The following ATG7 variants were observed in gnomAD, a reference collection of about 807,000 sequenced individuals.
The protein encoded by ATG7 is ubiquitin-like modifier-activating enzyme ATG7.
ATG7 carries 70 observed loss-of-function variants against 82.4 expected under a neutral mutation model. The ratio of observed to expected loss-of-function variants is 0.85; its 90% CI spans 0.70 to 1.04. The LOEUF (loss-of-function observed/expected upper bound fraction) is 1.04, where lower values mean the gene tolerates loss of function less well. Ranked by LOEUF, ATG7 falls within the 50% of genes least tolerant of loss-of-function variation. The pLI is 0.00. For synonymous variants in ATG7, 287 were observed against 313.0 expected, an observed-to-expected ratio of 0.92 and a Z score of 0.88; for missense variants, 792 against 864.3, an observed-to-expected ratio of 0.92 and a Z score of 1.05.
intron 19 of ATG7, among the ~76,000 whole-genome samples, chr3:11,390,197 T>C (rs2078681108): frequency 6.6e-6 from 1 of 152,230 alleles, no homozygotes; most frequent in Admixed American, 6.5e-5. Flanking sequence ...AATAGGCCTA[T>C]GTACAATATT....
intron 20 of ATG7, among the ~76,000 whole-genome samples, chr3:11,438,590 A>T (rs1576414107): frequency 6.6e-6 from 1 of 151,624 alleles, no homozygotes; most frequent in Admixed American, 6.6e-5. Context: ...AAAAATAAAG[A>T]TTTTTTTTCT....
Position 11,554,926 on chromosome 3 carries a change from G to A in ATG7, c.*83G>A. ...GCCAGAGCAGGACTGCTGACCCCAG[G>A]CCTGGTGATTCTGGGCCCCTCCTCC... On this transcript the variant is annotated 3_prime_UTR_variant, in exon 21 of 21. Coordinates refer to ENST00000693202, the MANE Select transcript of ATG7 (RefSeq NM_001349232.2). 6.5e-7 allele frequency: 1 copy of A among 1,527,020 alleles called. No individual in the cohort carries two copies. Among genetic ancestry groups the A allele is most frequent in the Admixed American group, 1.9e-5 (1 of 53,254 alleles). The allele number at this position is 1,527,020 out of a possible 1,614,324, so 94.6% of individuals were successfully genotyped here. A position where few individuals can be genotyped will look rare whatever the true frequency, so the allele number is the denominator to read the frequency against.
chr3:11,438,970 G>T (rs1328919343), intron 20 of ATG7, among the ~76,000 whole-genome samples: 3 of 151,914 alleles, frequency 2.0e-5, no homozygotes, highest in African/African-American at 2.4e-5. Flanking sequence ...CAGCTGCTAT[G>T]TGTTGAATTT....
chr3:11,575,780 G>A, the ATG7 span, among the ~76,000 whole-genome samples: 1 of 152,224 alleles, frequency 6.6e-6, no homozygotes, highest in African/African-American at 2.4e-5. Context: ...TAAAGTCAGA[G>A]CAAACAGGTT....
chr3:11,367,046 C>T (rs2076671650), intron 18 of ATG7, among the ~76,000 whole-genome samples: 1 of 147,664 alleles, frequency 6.8e-6, no homozygotes, highest in Non-Finnish European at 1.5e-5. Context: ...AGTTTCAAGC[C>T]TTTATTTTTA....
intron 20 of ATG7, among the ~76,000 whole-genome samples, chr3:11,460,478 G>A (rs1357108965): frequency 1.3e-5 from 2 of 152,200 alleles, no homozygotes; most frequent in Non-Finnish European, 2.9e-5. Context: ...CAAGGGAGAG[G>A]GTAGCACCAG....
chr3:11,290,733 G>T, intron 3 of ATG7: 1 of 194,216 alleles, frequency 5.1e-6, no homozygotes, highest in South Asian at 6.4e-5. Context: ...CGCCCAGGCT[G>T]GAGTGCAATG....
At chr3:11,574,450 G>T in the ATG7 span, among the ~76,000 whole-genome samples, 4 of 152,142 alleles carry the variant, frequency 2.6e-5, no homozygotes, top group Non-Finnish European at 5.9e-5. Context: ...AGTCAGCCCA[G>T]ACCTGCCAGT....
At chr3:11,472,061 T>A (rs1021728928) in intron 20 of ATG7, among the ~76,000 whole-genome samples, 4 of 152,162 alleles carry the variant, frequency 2.6e-5, no homozygotes, top group African/African-American at 9.7e-5. Context: ...TCTTCAAGAT[T>A]AAACTCTACA....
chr3:11,352,373 G>A (rs1377559143), intron 14 of ATG7, among the ~76,000 whole-genome samples: 1 of 152,172 alleles, frequency 6.6e-6, no homozygotes, highest in Non-Finnish European at 1.5e-5. Context: ...ACCCAGTAAT[G>A]GGATGGTTGG....
the ATG7 span, among the ~76,000 whole-genome samples, chr3:11,563,002 T>C: frequency 6.6e-6 from 1 of 151,086 alleles, no homozygotes; most frequent in Non-Finnish European, 1.5e-5. Flanking sequence ...GTAAAGAGAG[T>C]CAGGCCACTC....
rs2077146248 is a variant in ATG7, at chr3:11,373,055, AAG to A, written c.1876-6914_1876-6913del. 2.0e-5 allele frequency among the ~76,000 whole-genome samples: 3 copies of A among 151,148 alleles called. 1 individual carries two copies. The highest frequency in any genetic ancestry group is 2.9e-5 in the Non-Finnish European group (2 of 67,804). On this transcript the variant is annotated intron_variant, in intron 18 of 20. Coordinates refer to ENST00000693202, the MANE Select transcript of ATG7 (RefSeq NM_001349232.2). ...ATGTGTTTATCGTTTTTATTACAGAAAGAGTTAACTTTTTTTTTGAAAAGCTG... is the reference window on the plus strand; with the variant it reads ...ATGTGTTTATCGTTTTTATTACAGAAAGTTAACTTTTTTTTTGAAAAGCTG...
chr3:11,558,866 G>T (rs1476392242), downstream of ATG7: 2 of 1,601,698 alleles, frequency 1.2e-6, no homozygotes, highest in Admixed American at 3.3e-5. Context: ...AGACACAGGT[G>T]GCTGCAGACA....
At chr3:11,574,785 A>ATGTATGTG in the ATG7 span, among the ~76,000 whole-genome samples, 10 of 121,778 alleles carry the variant, frequency 8.2e-5, no homozygotes, top group African/African-American at 2.9e-4. Context: ...TCAACTATAT[A>ATGTATGTG]TGTGTGTGTG....
At chr3:11,377,130 C>A (rs1022631458) in intron 18 of ATG7, among the ~76,000 whole-genome samples, 2 of 152,222 alleles carry the variant, frequency 1.3e-5, no homozygotes, top group African/African-American at 4.8e-5. Context: ...TGAGCCTTTG[C>A]ATTAGCTAGA....
At chr3:11,406,134 C>T (rs576996736) in intron 19 of ATG7, among the ~76,000 whole-genome samples, 63 of 151,772 alleles carry the variant, frequency 4.2e-4, no homozygotes, top group African/African-American at 7.0e-4. Flanking sequence ...GGACTATAGG[C>T]GCACATCCCC....
chr3:11,480,555 A>G (rs1249863173), intron 20 of ATG7, among the ~76,000 whole-genome samples: 1 of 152,086 alleles, frequency 6.6e-6, no homozygotes, highest in Non-Finnish European at 1.5e-5. Context: ...GCAACAAAGT[A>G]TGAGACCCTG....
intron 20 of ATG7, among the ~76,000 whole-genome samples, chr3:11,482,907 G>T (rs898617428): frequency 6.6e-6 from 1 of 151,462 alleles, no homozygotes; most frequent in Non-Finnish European, 1.5e-5. Context: ...CCCAGATTGG[G>T]AGATAGAACA....
At chr3:11,566,875 CAG>C in the ATG7 span, among the ~76,000 whole-genome samples, 1 of 152,126 alleles carries the variant, frequency 6.6e-6, no homozygotes, top group Non-Finnish European at 1.5e-5. Flanking sequence ...CAGGGGTGCA[CAG>C]AGACTTAACG....
Sources: gnomAD v4.1 joint callset for allele counts (sites outside exome capture counted in the v4.1 genomes callset) on GRCh38, gnomAD v4.1.1 for gene constraint, MANE v1.5 for transcripts, NCBI Gene and HGNC (gene_info 2026-07-23, HGNC 2026-07-21) for gene names.